Variants in BZW2 observed in about 807,000 individuals in gnomAD.
BZW2 encodes eIF5-mimic protein 1.
BZW2 carries 23 observed loss-of-function variants against 53.2 expected under a neutral mutation model. That is an observed-to-expected ratio of 0.43 (90% CI 0.31 to 0.61). The LOEUF (loss-of-function observed/expected upper bound fraction) is 0.61, where lower values mean the gene tolerates loss of function less well. Ranked by LOEUF, BZW2 falls within the 20% of genes least tolerant of loss-of-function variation. The pLI is 0.09. For synonymous variants in BZW2, 227 were observed against 186.4 expected (o/e 1.22, Z -1.77); for missense variants, 409 against 503.1 (o/e 0.81, Z 1.79).
At chr7:16,667,997 G>C (rs1477441903) in intron 2 of BZW2, among the ~76,000 whole-genome samples, 1 of 152,168 alleles carries the variant, frequency 6.6e-6, no homozygotes, top group South Asian at 2.1e-4. Context: ...GATTTTAAAA[G>C]GATTTATCAG....
chr7:16,652,286 A>G (rs569884992), intron 1 of BZW2, among the ~76,000 whole-genome samples: 3 of 152,268 alleles, frequency 2.0e-5, no homozygotes, highest in Non-Finnish European at 2.9e-5. Flanking sequence ...TTAAAACGTT[A>G]ATAAACACAA....
At chr7:16,667,409 G>T (rs1407860758) in intron 2 of BZW2, among the ~76,000 whole-genome samples, 1 of 152,182 alleles carries the variant, frequency 6.6e-6, no homozygotes, top group African/African-American at 2.4e-5. Context: ...ATTTAAGGAA[G>T]TATGTATAAA....
chr7:16,680,951 A>T (rs927986940), intron 3 of BZW2, among the ~76,000 whole-genome samples: 5 of 152,138 alleles, frequency 3.3e-5, no homozygotes, highest in Admixed American at 3.3e-4. Flanking sequence ...TAAAAATATA[A>T]AAATTAGCCA....
At chr7:16,687,732 G>T (rs1428254954) in intron 6 of BZW2, among the ~76,000 whole-genome samples, 1 of 151,898 alleles carries the variant, frequency 6.6e-6, no homozygotes, top group Non-Finnish European at 1.5e-5. Context: ...TAAAAAAAAA[G>T]AAATAAAGAA....
At chr7:16,666,643 C>T (rs533618443) in intron 2 of BZW2, among the ~76,000 whole-genome samples, 9 of 152,050 alleles carry the variant, frequency 5.9e-5, no homozygotes, top group South Asian at 2.1e-4. Flanking sequence ...CCTTGTGATC[C>T]GCCTATTTAT....
intron 5 of BZW2, 52 bp downstream of exon 5, chr7:16,682,897 G>A (rs1245402862): frequency 3.8e-6 from 5 of 1,306,686 alleles, no homozygotes; most frequent in South Asian, 1.4e-5. Context: ...ACATGGGGGT[G>A]GATAAAAATT....
Position 16,706,141 on chromosome 7 carries a change from A to C in BZW2, c.*53A>C. 2 of 1,576,676 alleles carry C rather than the reference A, an allele frequency of 1.3e-6. No homozygotes were observed. The highest frequency in any genetic ancestry group is 1.7e-6 in the Non-Finnish European group (2 of 1,154,528). The stretch of plus-strand genomic sequence containing the variant: ...TACCACACACCACTTTTTGATTGGG[A>C]ATGCTGAACCATTTGAGAAGAGAAA... On this transcript the variant is annotated 3_prime_UTR_variant, in exon 12 of 12. Transcript: ENST00000258761.
chr7:16,667,266 T>C (rs1378876353), intron 2 of BZW2, among the ~76,000 whole-genome samples: 6 of 131,654 alleles, frequency 4.6e-5, no homozygotes, highest in African/African-American at 1.5e-4. Flanking sequence ...GGGCAACGAG[T>C]GAAGCTCCAT....
intron 2 of BZW2, among the ~76,000 whole-genome samples, chr7:16,667,360 GATTAA>G (rs1192398382): frequency 1.3e-5 from 2 of 152,048 alleles, no homozygotes; most frequent in African/African-American, 2.4e-5. Flanking sequence ...TGATGTGAGT[GATTAA>G]ATTAAATAAA....
chr7:16,705,282 C>A (rs1451407287), intron 11 of BZW2, among the ~76,000 whole-genome samples: 2 of 147,978 alleles, frequency 1.4e-5, no homozygotes, highest in Non-Finnish European at 3.0e-5. Context: ...CCACTTGAAC[C>A]AGGAGGCAGA....
chr7:16,696,905 T>C lies in BZW2; in HGVS notation c.823-10T>C, dbSNP rs927005290. On this transcript the variant is annotated splice_polypyrimidine_tract_variant and intron_variant, in intron 8 of 11. Coordinates refer to ENST00000258761, the MANE Select transcript of BZW2 (RefSeq NM_014038.3). Reference sequence around the variant, plus strand: ...CTGTTACTTTCTGACCCCATTTCCATGTAATGTAGGTGGTGCTTTATGTCA... The same window carrying C: ...CTGTTACTTTCTGACCCCATTTCCACGTAATGTAGGTGGTGCTTTATGTCA... 1 of 1,613,566 alleles carries C rather than the reference T, an allele frequency of 6.2e-7. No homozygotes were observed. The highest frequency in any genetic ancestry group is 8.5e-7 in the Non-Finnish European group (1 of 1,179,652).
chr7:16,652,808 A>G (rs767667191), intron 1 of BZW2, among the ~76,000 whole-genome samples: 9 of 152,216 alleles, frequency 5.9e-5, no homozygotes, highest in Non-Finnish European at 8.8e-5. Flanking sequence ...TACAGGCATG[A>G]GCCACCATAC....
chr7:16,690,379 T>G (rs1266163414), intron 7 of BZW2, among the ~76,000 whole-genome samples: 1 of 152,014 alleles, frequency 6.6e-6, no homozygotes, highest in East Asian at 1.9e-4. Flanking sequence ...TTTTTGGATT[T>G]TTTTTAATAG....
intron 3 of BZW2, among the ~76,000 whole-genome samples, chr7:16,675,872 G>A (rs1782748677): frequency 6.6e-6 from 1 of 152,156 alleles, no homozygotes; most frequent in Non-Finnish European, 1.5e-5. Flanking sequence ...CTGAGGTCAG[G>A]AGTTCGAGAC....
Position 16,686,352 on chromosome 7 carries a change from T to G in BZW2, c.541+312T>G, listed in dbSNP as rs572114911. 2.4e-4 allele frequency: 64 copies of G among 266,968 alleles called. 2 individuals are homozygous for G. The South Asian group carries it at 2.9e-3, about 12-fold the overall frequency. 16.5% of individuals were successfully genotyped at this position (266,968 alleles called of 1,614,324 possible). The stretch of plus-strand genomic sequence containing the variant: ...CCCGAAATCGATCTGGTAATCTTTT[T>G]GCCCTTCGACACAAAATGGCAGCCT... On this transcript the variant is annotated intron_variant, in intron 6 of 11. Transcript: ENST00000258761.
intron 4 of BZW2, 70 bp from the exon 5 acceptor site, chr7:16,682,710 A>T (rs1782986743): frequency 2.3e-6 from 2 of 883,634 alleles, no homozygotes; most frequent in Non-Finnish European, 3.4e-6. Context: ...GTGTCATTAT[A>T]GTGAGTTTCT....
rs184517630 is a variant in BZW2 at position 16,690,722 on chromosome 7, C to A, written c.651+816C>A. ...GAAATTAAACAAGTTAATTGTGTCA[C>A]AATTGCTTGATTATATTTTTATTTC... On this transcript the variant is annotated intron_variant, in intron 7 of 11. Coordinates refer to ENST00000258761, the MANE Select transcript of BZW2 (RefSeq NM_014038.3). Among the ~76,000 whole-genome samples the A allele has an allele frequency of 4.1e-3, 625 of 152,282 alleles. 4 individuals carry two copies. The highest frequency in any genetic ancestry group is 0.025 in the South Asian group (121 of 4,826).
intron 9 of BZW2, among the ~76,000 whole-genome samples, chr7:16,697,487 C>T (rs1007969010): frequency 6.6e-6 from 1 of 152,310 alleles, no homozygotes; most frequent in African/African-American, 2.4e-5. Context: ...TCCAAGTTTG[C>T]ACCCAGCGTT....
Position 16,661,941 on chromosome 7 carries a change from T to C in BZW2, c.-7-3496T>C, listed in dbSNP as rs538251199. Among the ~76,000 whole-genome samples the C allele has an allele frequency of 2.6e-4, 40 of 152,250 alleles. No homozygotes were observed. The South Asian group carries it at 3.1e-3, about 12-fold the overall frequency. ...TTTTAAACTTAAGTATTTTTAGTTA[T>C]TAGATTTGAAAATACATTGTAGGGC... On this transcript the variant is annotated intron_variant, in intron 1 of 11. Transcript: ENST00000258761.
Sources: allele counts gnomAD v4.1 joint callset (sites outside exome capture counted in the v4.1 genomes callset), GRCh38; gene constraint gnomAD v4.1.1; transcripts MANE v1.5; gene names NCBI Gene and HGNC (gene_info 2026-07-23, HGNC 2026-07-21).